Variants in LIN7A observed in about 807,000 individuals in gnomAD.
LIN7A encodes the protein lin-7 cell polarity scaffold A.
LIN7A carries 25 observed loss-of-function variants against 29.8 expected under a neutral mutation model. The ratio of observed to expected loss-of-function variants is 0.84; its 90% CI spans 0.61 to 1.17. The LOEUF (loss-of-function observed/expected upper bound fraction) is 1.17. Among genes scored for constraint, LIN7A ranks in the 50% most tolerant of loss-of-function variants. LIN7A has a pLI of 0.00. For missense variants in LIN7A, 239 were observed against 287.0 expected, an observed-to-expected ratio of 0.83 and a Z score of 1.21; for synonymous variants, 118 against 107.5, an observed-to-expected ratio of 1.10 and a Z score of -0.60.
At chr12:80,915,938 C>T (rs1049733905) in intron 1 of LIN7A, among the ~76,000 whole-genome samples, 2 of 152,108 alleles carry the variant, frequency 1.3e-5, no homozygotes, top group Non-Finnish European at 2.9e-5. Flanking sequence ...ATGCTCACTG[C>T]CTGGGTGATG....
chr12:80,929,371 G>T (rs139787092), intron 1 of LIN7A, among the ~76,000 whole-genome samples: 46 of 152,154 alleles, frequency 3.0e-4, no homozygotes, highest in African/African-American at 1.1e-3. Context: ...ATATTGGTAG[G>T]GTTGGCCAAA....
intron 1 of LIN7A, among the ~76,000 whole-genome samples, chr12:80,931,361 C>A (rs1565934421): frequency 6.6e-6 from 1 of 152,156 alleles, no homozygotes; most frequent in Non-Finnish European, 1.5e-5. Flanking sequence ...AAAAAACAGG[C>A]TGGGTGCAGT....
At chr12:80,862,105 A>G (rs551915172) in intron 2 of LIN7A, among the ~76,000 whole-genome samples, 1 of 152,236 alleles carries the variant, frequency 6.6e-6, no homozygotes, top group Non-Finnish European at 1.5e-5. Flanking sequence ...CAAAGAACTT[A>G]CCAGATAGTT....
At chr12:80,823,247 C>T (rs769717092) in intron 4 of LIN7A, among the ~76,000 whole-genome samples, 7 of 152,188 alleles carry the variant, frequency 4.6e-5, no homozygotes, top group Non-Finnish European at 8.8e-5. Context: ...GCCCCTTGCT[C>T]ATAACGTTGT....
rs1038833183 is a variant in LIN7A at position 80,797,733 on chromosome 12, G to T, written c.*1-7C>A. ...GTAGCTTTCCCTCAAGGGCCTGAAA[G>T]AGAAAAAGAGTGAAGAGAAATCAGT... On this transcript the variant is annotated splice_polypyrimidine_tract_variant and splice_region_variant and intron_variant, in intron 5 of 5. Coordinates refer to ENST00000552864, the MANE Select transcript of LIN7A (RefSeq NM_004664.4). 2.0e-5 allele frequency: 3 copies of T among 152,598 alleles called. No homozygotes were observed. The highest frequency in any genetic ancestry group is 7.2e-5 in the African/African-American group (3 of 41,448). 9.5% of individuals were successfully genotyped at this position (152,598 alleles called of 1,614,324 possible).
chr12:80,849,598 C>G (rs1873231380), intron 2 of LIN7A, among the ~76,000 whole-genome samples: 1 of 152,120 alleles, frequency 6.6e-6, no homozygotes, highest in South Asian at 2.1e-4. Flanking sequence ...GCTGCCCTTA[C>G]TGCAAAGGTG....
chr12:80,806,115 C>T (rs4638365), intron 5 of LIN7A, among the ~76,000 whole-genome samples: 36,797 of 151,186 alleles, frequency 0.24, 5,235 homozygotes, highest in Non-Finnish European at 0.33. Flanking sequence ...GTGGCTTTCC[C>T]CTCCAGCCAT....
chr12:80,856,829 A>G (rs921690746), intron 2 of LIN7A, among the ~76,000 whole-genome samples: 2 of 151,234 alleles, frequency 1.3e-5, no homozygotes, highest in Admixed American at 6.6e-5. Flanking sequence ...GGCAATACTT[A>G]TAACTAAAAA....
chr12:80,914,648 A>T (rs143681177), intron 1 of LIN7A, among the ~76,000 whole-genome samples: 1 of 152,184 alleles, frequency 6.6e-6, no homozygotes, highest in Non-Finnish European at 1.5e-5. Context: ...CATCCATTGT[A>T]CTAAAACTGC....
At chr12:80,843,213 T>G (rs1361890236) in intron 4 of LIN7A, among the ~76,000 whole-genome samples, 1 of 152,160 alleles carries the variant, frequency 6.6e-6, no homozygotes, top group Non-Finnish European at 1.5e-5. Flanking sequence ...CACCTTTGCA[T>G]GAAGAGGATA....
chr12:80,810,296 G>C (rs1164745833), intron 5 of LIN7A, among the ~76,000 whole-genome samples: 1 of 151,986 alleles, frequency 6.6e-6, no homozygotes, highest in East Asian at 1.9e-4. Flanking sequence ...GCCCATGCTT[G>C]GCTTATTTCA....
intron 2 of LIN7A, among the ~76,000 whole-genome samples, chr12:80,859,368 G>A (rs944984329): frequency 1.3e-5 from 2 of 152,146 alleles, no homozygotes. Context: ...AGACAATGTT[G>A]TTTGAGTCAT....
chr12:80,824,554 A>G (rs551444298), intron 4 of LIN7A, among the ~76,000 whole-genome samples: 36 of 152,344 alleles, frequency 2.4e-4, no homozygotes, highest in African/African-American at 8.7e-4. Flanking sequence ...AGGAAAGGAC[A>G]TAACAAAAAA....
intron 5 of LIN7A, among the ~76,000 whole-genome samples, chr12:80,807,063 G>GTTTTGTTTTTTTTTTTTTTT (rs1871026879): frequency 1.9e-5 from 1 of 53,592 alleles, no homozygotes; most frequent in African/African-American, 8.7e-5. Context: ...TGAAGATGGA[G>GTTTTGTTTTTTTTTTTTTTT]TTTTTTTTTT....
At chr12:80,817,093 A>G (rs1006327075) in intron 4 of LIN7A, among the ~76,000 whole-genome samples, 2 of 152,200 alleles carry the variant, frequency 1.3e-5, no homozygotes, top group Non-Finnish European at 2.9e-5. Flanking sequence ...ACATGGCTGC[A>G]TTCTGTTCAT....
At chr12:80,913,734 C>T (rs778578899) in intron 1 of LIN7A, among the ~76,000 whole-genome samples, 1 of 152,114 alleles carries the variant, frequency 6.6e-6, no homozygotes, top group Non-Finnish European at 1.5e-5. Flanking sequence ...TGATGCTAGT[C>T]GAATAAAACA....
intron 4 of LIN7A, among the ~76,000 whole-genome samples, chr12:80,835,468 A>T (rs1191655137): frequency 6.6e-6 from 1 of 152,194 alleles, no homozygotes; most frequent in East Asian, 1.9e-4. Flanking sequence ...CTGAAATTAG[A>T]GTATTTAATG....
intron 4 of LIN7A, among the ~76,000 whole-genome samples, chr12:80,823,130 C>T (rs1253715506): frequency 6.6e-6 from 1 of 152,220 alleles, no homozygotes; most frequent in Non-Finnish European, 1.5e-5. Flanking sequence ...GCTTTGCTCA[C>T]TCTCCACTTG....
At chr12:80,935,530 T>G (rs1413729505) in intron 1 of LIN7A, among the ~76,000 whole-genome samples, 2 of 152,256 alleles carry the variant, frequency 1.3e-5, no homozygotes, top group Non-Finnish European at 2.9e-5. Context: ...TATGTAATAC[T>G]GGGTTGCCTC....
Sources: allele counts gnomAD v4.1 joint callset (sites outside exome capture counted in the v4.1 genomes callset), GRCh38; gene constraint gnomAD v4.1.1; transcripts MANE v1.5; gene names NCBI Gene and HGNC (gene_info 2026-07-23, HGNC 2026-07-21).